Variants in RANBP2 observed in about 807,000 individuals in gnomAD.
RANBP2 encodes the protein RAN binding protein 2.
A neutral mutation model predicts 303.6 loss-of-function variants in RANBP2; 57 were observed. The ratio of observed to expected loss-of-function variants is 0.19; its 90% CI spans 0.15 to 0.23. The LOEUF (loss-of-function observed/expected upper bound fraction) is 0.23. Ranked by LOEUF, RANBP2 falls within the 10% of genes least tolerant of loss-of-function variation. The pLI is 1.00. For missense variants in RANBP2, 3,138 were observed against 3,780.8 expected (o/e 0.83, Z 4.46); for synonymous variants, 1,167 against 1,301.5 (o/e 0.90, Z 2.23).
chr2:109,025,822 A>AG, the RANBP2 span, among the ~76,000 whole-genome samples: 9 of 151,724 alleles, frequency 5.9e-5, no homozygotes, highest in East Asian at 1.7e-3. Flanking sequence ...AAGAAAAAAA[A>AG]TTACATCAAT....
At chr2:109,114,993 A>C in the RANBP2 span, among the ~76,000 whole-genome samples, 3 of 152,208 alleles carry the variant, frequency 2.0e-5, no homozygotes, top group African/African-American at 4.8e-5. Context: ...CTGTGGTCTG[A>C]GAGACAGTTT....
the RANBP2 span, among the ~76,000 whole-genome samples, chr2:109,652,275 C>T: frequency 6.0e-5 from 9 of 151,006 alleles, no homozygotes; most frequent in South Asian, 4.2e-4. Flanking sequence ...CAGTCTGGAG[C>T]GCAGTGGCGC....
the RANBP2 span, among the ~76,000 whole-genome samples, chr2:109,285,796 G>A: frequency 6.6e-6 from 1 of 152,232 alleles, no homozygotes; most frequent in Non-Finnish European, 1.5e-5. Flanking sequence ...CTGTGTGTTA[G>A]AGAGCATCCT....
At chr2:109,735,456 G>A in the RANBP2 span, among the ~76,000 whole-genome samples, 2 of 151,746 alleles carry the variant, frequency 1.3e-5, no homozygotes, top group South Asian at 2.1e-4. Flanking sequence ...TGCATAGTGT[G>A]GCAATAAACA....
the RANBP2 span, among the ~76,000 whole-genome samples, chr2:109,598,742 C>T: frequency 6.6e-6 from 1 of 151,888 alleles, no homozygotes; most frequent in African/African-American, 2.4e-5. Flanking sequence ...ACTCAGGAGG[C>T]TAGGTTCAAT....
At chr2:109,425,946 G>C in the RANBP2 span, among the ~76,000 whole-genome samples, 1 of 152,054 alleles carries the variant, frequency 6.6e-6, no homozygotes, top group Non-Finnish European at 1.5e-5. Context: ...CGTCCAGGCT[G>C]GAGTGCAGTG....
At chr2:109,316,903 C>T in the RANBP2 span, among the ~76,000 whole-genome samples, 3 of 152,162 alleles carry the variant, frequency 2.0e-5, no homozygotes, top group Non-Finnish European at 4.4e-5. Context: ...GTATACAGTG[C>T]GTAGCCTTTT....
Position 108,763,243 on chromosome 2 carries a change from G to C in RANBP2, c.2704G>C (p.Val902Leu). The C allele has an allele frequency of 6.2e-7, 1 of 1,613,618 alleles. No individual in the cohort carries two copies. The highest frequency in any genetic ancestry group is 8.5e-7 in the Non-Finnish European group (1 of 1,179,916). The change falls in exon 20 of 29, where the codon GTC (valine) becomes CTC (leucine). Residue 902 changes from valine (V) to leucine (L), a missense_variant. By Grantham distance (32) the Val-to-Leu change is conservative (BLOSUM62 1). Coordinates refer to ENST00000283195, the MANE Select transcript of RANBP2 (RefSeq NM_006267.5). ...AANVTPTKGP[V>L]YGMNRLPPQQ... ...TTAACTTTCTGTCTTTTAGGGCCCA[G>C]TCTATGGCATGAATAGGCTTCCACC...
the RANBP2 span, among the ~76,000 whole-genome samples, chr2:109,252,150 T>G: frequency 6.6e-6 from 1 of 151,490 alleles, no homozygotes; most frequent in Non-Finnish European, 1.5e-5. Flanking sequence ...AGGCTGAGGT[T>G]GGAGGATGGA....
At chr2:109,604,038 T>C in the RANBP2 span, among the ~76,000 whole-genome samples, 3 of 151,468 alleles carry the variant, frequency 2.0e-5, no homozygotes, top group African/African-American at 7.3e-5. Flanking sequence ...GGCAGATGCC[T>C]GTAGTCCCAG....
At chr2:109,663,924 C>T in the RANBP2 span, among the ~76,000 whole-genome samples, 8 of 152,160 alleles carry the variant, frequency 5.3e-5, no homozygotes, top group African/African-American at 1.7e-4. Flanking sequence ...TCCCAAATGT[C>T]GCTGGACAGT....
the RANBP2 span, among the ~76,000 whole-genome samples, chr2:109,612,755 G>A: frequency 1.3e-3 from 202 of 152,250 alleles, no homozygotes; most frequent in African/African-American, 4.7e-3. Flanking sequence ...AGACAAGGGG[G>A]TCCAGACAGA....
At chr2:109,512,907 A>G in the RANBP2 span, among the ~76,000 whole-genome samples, 4 of 152,134 alleles carry the variant, frequency 2.6e-5, no homozygotes, top group Non-Finnish European at 5.9e-5. Context: ...GACTTTGGCC[A>G]TTGCCATGGC....
the RANBP2 span, among the ~76,000 whole-genome samples, chr2:108,798,811 A>G: frequency 1.1e-5 from 1 of 87,358 alleles, no homozygotes; most frequent in African/African-American, 5.3e-5. Context: ...CCTCCTCTCC[A>G]CACCTACACA....
the RANBP2 span, among the ~76,000 whole-genome samples, chr2:109,200,696 C>A: frequency 4.6e-3 from 695 of 152,298 alleles, 5 homozygotes; most frequent in African/African-American, 0.015. Flanking sequence ...CCCTGCACTC[C>A]GGTTGGTTCA....
chr2:109,651,160 T>C, the RANBP2 span, among the ~76,000 whole-genome samples: 1 of 152,064 alleles, frequency 6.6e-6, no homozygotes, highest in African/African-American at 2.4e-5. Flanking sequence ...TGTACCTATC[T>C]CAAAATGAGT....
At chr2:108,932,528 CAAAAAAAAA>C in the RANBP2 span, among the ~76,000 whole-genome samples, 1 of 39,122 alleles carries the variant, frequency 2.6e-5, no homozygotes, top group Non-Finnish European at 5.0e-5. Context: ...GACTCTGTCT[CAAAAAAAAA>C]AAAAAAAAAA....
the RANBP2 span, among the ~76,000 whole-genome samples, chr2:109,519,145 C>A: frequency 6.6e-6 from 1 of 152,006 alleles, no homozygotes. Flanking sequence ...TCTTGAACTC[C>A]TGACCTCAGG....
chr2:109,197,598 G>C, the RANBP2 span, among the ~76,000 whole-genome samples: 1 of 152,190 alleles, frequency 6.6e-6, no homozygotes, highest in Non-Finnish European at 1.5e-5. Context: ...CCTGTGCTTG[G>C]GGTTTAATGC....
Sources: allele counts gnomAD v4.1 joint callset (sites outside exome capture counted in the v4.1 genomes callset), GRCh38; gene constraint gnomAD v4.1.1; transcripts MANE v1.5; gene names NCBI Gene and HGNC (gene_info 2026-07-23, HGNC 2026-07-21).